The following SP2 variants were observed in gnomAD, a reference collection of about 807,000 sequenced individuals.
SP2 encodes Sp2 transcription factor.
Under a neutral mutation model 50.1 loss-of-function variants are expected in SP2, and 9 were observed. That is an observed-to-expected ratio of 0.18 (90% confidence interval 0.11 to 0.31). The LOEUF is 0.31. Ranked by LOEUF, SP2 falls within the 10% of genes least tolerant of loss-of-function variation. The pLI is 1.00. For synonymous variants in SP2, 313 were observed against 326.6 expected (o/e 0.96, Z 0.45); for missense variants, 581 against 806.5 (o/e 0.72, Z 3.39).
At position 47,923,294 on chromosome 17, in the gene SP2, C is replaced by T. The variant is rs1206676437; in HGVS notation, c.1372+20C>T. ...CAGGCGGTGAGGATGGCCCCTGTGG[C>T]CAGGGTGTTGGCAGTGGTACCTGCT... On this transcript the variant is annotated intron_variant, in intron 4 of 6. Coordinates refer to ENST00000376741, the MANE Select transcript of SP2 (RefSeq NM_003110.6). 6.3e-7 allele frequency: 1 copy of T among 1,584,568 alleles called. No individual in the cohort carries two copies. The highest frequency in any genetic ancestry group is 8.6e-7 in the Non-Finnish European group (1 of 1,168,864).
rs1598143224 is a variant in SP2, at chr17:47,916,023, T to C, written c.85-133T>C. The C allele has an allele frequency of 2.0e-6, 2 of 1,006,776 alleles. No individual in the cohort carries two copies. The highest frequency in any genetic ancestry group is 4.6e-5 in the Admixed American group (2 of 43,676). 62.4% of individuals were successfully genotyped at this position (1,006,776 alleles called of 1,614,324 possible). ...GAGACAGCAGCCAAGCAGGGGAGGG[T>C]ACTGGCAACATGCCTGCCCCGGAGG... On this transcript the variant is annotated intron_variant, in intron 2 of 6. Coordinates refer to ENST00000376741, the MANE Select transcript of SP2 (RefSeq NM_003110.6). The surrounding 1 kb of genome is among the most constrained non-coding windows in gnomAD (Gnocchi z 4.7).
chr17:47,919,587 A>G (rs923121489), intron 3 of SP2, among the ~76,000 whole-genome samples: 1 of 151,960 alleles, frequency 6.6e-6, no homozygotes, highest in South Asian at 2.1e-4. Flanking sequence ...TGCCACCATG[A>G]TCCCCCTTGT....
chr17:47,898,093 TTAA>T (rs2034408541), intron 1 of SP2: 1 of 153,964 alleles, frequency 6.5e-6, no homozygotes, highest in African/African-American at 2.4e-5. Flanking sequence ...GTAGAGTTTG[TTAA>T]TAATCGGATC....
At chr17:47,898,868 A>T (rs918963045) in intron 1 of SP2, 1 of 152,196 alleles carries the variant, frequency 6.6e-6, no homozygotes, top group African/African-American at 2.4e-5. Context: ...AGGGAAGCTC[A>T]TATGCTTTCT....
intron 1 of SP2, 74 bp downstream of exon 1, chr17:47,896,367 G>T: frequency 1.7e-6 from 2 of 1,176,970 alleles, no homozygotes. Context: ...GCCGCGGGGA[G>T]AGGGAGCCGA....
chr17:47,921,955 CACATGTAT>C (rs940741860), intron 3 of SP2, among the ~76,000 whole-genome samples: 2 of 152,224 alleles, frequency 1.3e-5, no homozygotes, highest in Non-Finnish European at 2.9e-5. Context: ...AGGACACACA[CACATGTAT>C]ACACATACAC....
At chr17:47,909,000 C>A (rs2034875350) in intron 1 of SP2, among the ~76,000 whole-genome samples, 1 of 152,158 alleles carries the variant, frequency 6.6e-6, no homozygotes, top group Non-Finnish European at 1.5e-5. Flanking sequence ...TGATTTTCAT[C>A]TTTTCAAAGT....
intron 1 of SP2, among the ~76,000 whole-genome samples, chr17:47,903,905 A>G (rs2034645553): frequency 6.6e-6 from 1 of 152,022 alleles, no homozygotes; most frequent in African/African-American, 2.4e-5. Context: ...CGGAGGTTGC[A>G]GTGAGCTGAG....
Position 47,923,084 on chromosome 17 carries a change from G to A in SP2, c.1182G>A (p.Leu394=), listed in dbSNP as rs1466469156. The change falls in exon 4 of 7, where the codon CTG becomes CTA. Residue 394 remains leucine, a synonymous_variant. Coordinates refer to ENST00000376741, the MANE Select transcript of SP2 (RefSeq NM_003110.6). ...CSSPASRAPH[L]SGTSKKHSAA... is the part of the protein sequence containing the mutation. ...GCCCTGCATCCCGTGCTCCCCATCT[G>A]AGTGGGACCAGCAAAAAGCACTCAG... The A allele has an allele frequency of 6.2e-7, 1 of 1,614,134 alleles. No individual in the cohort carries two copies. The highest frequency in any genetic ancestry group is 2.2e-5 in the East Asian group (1 of 44,900).
At chr17:47,914,341 A>T (rs1277800167) in intron 1 of SP2, among the ~76,000 whole-genome samples, 1 of 151,904 alleles carries the variant, frequency 6.6e-6, no homozygotes, top group Non-Finnish European at 1.5e-5. Flanking sequence ...ATTGCACTCC[A>T]GCCTGGGCAA....
intron 4 of SP2, 93 bp downstream of exon 4, chr17:47,923,367 T>G: frequency 9.7e-7 from 1 of 1,028,862 alleles, no homozygotes; most frequent in Non-Finnish European, 1.4e-6. Context: ...CCAGTAACAA[T>G]AGTGAGGATG....
intron 4 of SP2, 77 bp downstream of exon 4, chr17:47,923,351 G>T: frequency 8.1e-7 from 1 of 1,239,120 alleles, no homozygotes; most frequent in Non-Finnish European, 1.1e-6. Flanking sequence ...GCTGGCCCCG[G>T]GATTTCCAGT....
intron 4 of SP2, among the ~76,000 whole-genome samples, chr17:47,924,133 G>T: frequency 6.6e-6 from 1 of 150,660 alleles, no homozygotes; most frequent in African/African-American, 2.4e-5. Flanking sequence ...TGTGTTTTTT[G>T]GTTTTTTTTT....
intron 1 of SP2, among the ~76,000 whole-genome samples, chr17:47,904,725 A>C (rs914897395): frequency 6.6e-6 from 1 of 152,068 alleles, no homozygotes; most frequent in African/African-American, 2.4e-5. Context: ...TTTACTGTTA[A>C]TGGGCTCTTT....
At chr17:47,904,372 G>T (rs1008802881) in intron 1 of SP2, among the ~76,000 whole-genome samples, 3 of 152,108 alleles carry the variant, frequency 2.0e-5, no homozygotes, top group Non-Finnish European at 4.4e-5. Flanking sequence ...GTGCAGCCTG[G>T]TTGGAGCAGG....
chr17:47,905,353 G>C (rs2034714588), intron 1 of SP2, among the ~76,000 whole-genome samples: 1 of 152,166 alleles, frequency 6.6e-6, no homozygotes, highest in Non-Finnish European at 1.5e-5. Flanking sequence ...ATAGCCAAGA[G>C]AAAGACTGTT....
Position 47,901,490 on chromosome 17 carries a change from C to T in SP2, c.7+5197C>T, listed in dbSNP as rs575643176. ...TTTGGTTTTTTTTGAGACAGAGTCT[C>T]GCTCTGTCACCAGGCTGGAGTGCAG... On this transcript the variant is annotated intron_variant, in intron 1 of 6. Transcript: ENST00000376741. 1.1e-4 allele frequency among the ~76,000 whole-genome samples: 17 copies of T among 152,196 alleles called. No individual in the cohort carries two copies. In the South Asian group the frequency reaches 2.7e-3, roughly 24 times the overall value.
rs552634849 is a variant in SP2 at position 47,899,526 on chromosome 17, T to C, written c.7+3233T>C. 2.6e-5 allele frequency: 4 copies of C among 152,282 alleles called. No individual in the cohort carries two copies. In the East Asian group the frequency reaches 7.7e-4, roughly 29 times the overall value. 9.4% of individuals were successfully genotyped at this position (152,282 alleles called of 1,614,324 possible). On this transcript the variant is annotated intron_variant, in intron 1 of 6. Coordinates refer to ENST00000376741, the MANE Select transcript of SP2 (RefSeq NM_003110.6). ...CTAACTCGAGGGTATTGTCAGGCCA[T>C]GTAGGAAAGGGAGCAGAGATTGCCC... is the stretch of plus-strand genomic sequence containing the variant.
rs1383151648 is a variant in SP2, at chr17:47,922,956, TC to T, written c.1060-3del. ...GCACTGATTTTTTTTCTCTGGCCCC[TC>T]CCAGGTCTACATCCGCACGCCTTCC... On this transcript the variant is annotated splice_region_variant and splice_polypyrimidine_tract_variant and intron_variant, in intron 3 of 6. Coordinates refer to ENST00000376741, the MANE Select transcript of SP2 (RefSeq NM_003110.6). The T allele has an allele frequency of 1.4e-5, 23 of 1,604,034 alleles. No homozygotes were observed. Among genetic ancestry groups the T allele is most frequent in the Non-Finnish European group, 2.0e-5 (23 of 1,172,348 alleles).
Sources: allele counts gnomAD v4.1 joint callset (sites outside exome capture counted in the v4.1 genomes callset), GRCh38; gene constraint gnomAD v4.1.1; non-coding constraint Gnocchi (gnomAD v3.1); transcripts MANE v1.5; gene names NCBI Gene and HGNC (gene_info 2026-07-23, HGNC 2026-07-21).